Variants in TEC observed in about 807,000 individuals in gnomAD.
TEC encodes tyrosine-protein kinase Tec.
A neutral mutation model predicts 93.0 loss-of-function variants in TEC; 72 were observed. The observed-to-expected ratio is 0.77, with a 90% CI of 0.64 to 0.94. The LOEUF (loss-of-function observed/expected upper bound fraction) is 0.94, where lower values mean the gene tolerates loss of function less well. TEC is among the 40% of genes least tolerant of loss of function. TEC has a pLI of 0.00. For missense variants in TEC, 630 were observed against 757.9 expected (o/e 0.83, Z 1.98); for synonymous variants, 249 against 247.7 (o/e 1.01, Z -0.05).
At chr4:48,198,581 G>T (rs1252820551) in intron 2 of TEC, among the ~76,000 whole-genome samples, 1 of 152,118 alleles carries the variant, frequency 6.6e-6, no homozygotes, top group Non-Finnish European at 1.5e-5. Context: ...TAATATATAA[G>T]CTTTCAACCC....
At chr4:48,238,374 G>A (rs1459843256) in intron 1 of TEC, among the ~76,000 whole-genome samples, 8 of 152,108 alleles carry the variant, frequency 5.3e-5, no homozygotes, top group African/African-American at 2.4e-5. Flanking sequence ...CCTGTTGAAG[G>A]TAGACACCTT....
At chr4:48,165,964 C>T (rs1187169043) in intron 7 of TEC, among the ~76,000 whole-genome samples, 2 of 152,196 alleles carry the variant, frequency 1.3e-5, no homozygotes, top group Non-Finnish European at 2.9e-5. Context: ...AGTGCGTGTT[C>T]CCTCTGACCT....
At chr4:48,226,561 A>G (rs1723471840) in intron 2 of TEC, among the ~76,000 whole-genome samples, 1 of 151,978 alleles carries the variant, frequency 6.6e-6, no homozygotes, top group South Asian at 2.1e-4. Flanking sequence ...CTTTTTTATG[A>G]TTGTCTTAAT....
At chr4:48,180,548 T>C (rs916269889) in intron 2 of TEC, among the ~76,000 whole-genome samples, 1 of 151,972 alleles carries the variant, frequency 6.6e-6, no homozygotes, top group African/African-American at 2.4e-5. Context: ...AGGAAGGAAG[T>C]GATATTTTGA....
intron 2 of TEC, among the ~76,000 whole-genome samples, chr4:48,207,767 G>A (rs929144154): frequency 6.6e-6 from 1 of 152,068 alleles, no homozygotes; most frequent in African/African-American, 2.4e-5. Flanking sequence ...CAGCCTGGGC[G>A]ACAGAGTGAG....
chr4:48,222,195 C>T (rs1311311970), intron 2 of TEC, among the ~76,000 whole-genome samples: 2 of 151,944 alleles, frequency 1.3e-5, no homozygotes, highest in Non-Finnish European at 1.5e-5. Context: ...TGTGTCACTC[C>T]AAATAGATTG....
rs1248050957 is a variant in TEC at position 48,149,572 on chromosome 4, TATG to T, written c.988_990del (p.His330del). The T allele has an allele frequency of 6.2e-7, 1 of 1,610,106 alleles. No individual in the cohort carries two copies. Among genetic ancestry groups the T allele is most frequent in the Non-Finnish European group, 8.5e-7 (1 of 1,178,806 alleles). On this transcript the variant is annotated inframe_deletion, in exon 11 of 18. Transcript: ENST00000381501. ...GCTCACTTACCTGCTGCATTGTGCT[TATG>T]ATATTCAATAATCTCAGGAATGGAG...
intron 2 of TEC, among the ~76,000 whole-genome samples, chr4:48,210,153 T>G (rs1203791339): frequency 6.6e-6 from 1 of 152,220 alleles, no homozygotes; most frequent in African/African-American, 2.4e-5. Context: ...CTTACTTTTC[T>G]TTAACTCCAT....
chr4:48,160,782 G>A, intron 8 of TEC, among the ~76,000 whole-genome samples: 1 of 141,194 alleles, frequency 7.1e-6, no homozygotes, highest in African/African-American at 2.6e-5. Context: ...AAGAAAGAAA[G>A]AAAAGAAAAG....
At chr4:48,182,876 A>C (rs1721647739) in intron 2 of TEC, among the ~76,000 whole-genome samples, 1 of 152,188 alleles carries the variant, frequency 6.6e-6, no homozygotes, top group South Asian at 2.1e-4. Flanking sequence ...GGCTGGTCTC[A>C]GGTGATCTGA....
At chr4:48,239,294 C>T (rs1723866599) in intron 1 of TEC, among the ~76,000 whole-genome samples, 1 of 152,058 alleles carries the variant, frequency 6.6e-6, no homozygotes, top group Non-Finnish European at 1.5e-5. Flanking sequence ...ATGAGGTAAA[C>T]ATATTTTCAC....
At chr4:48,156,252 G>A (rs10021919) in intron 9 of TEC, among the ~76,000 whole-genome samples, 60,795 of 151,916 alleles carry the variant, frequency 0.4, 12,542 homozygotes, top group Admixed American at 0.48. Flanking sequence ...ACCAGTGCTC[G>A]ATCCCCACTT....
At chr4:48,239,495 A>C (rs1723870627) in intron 1 of TEC, among the ~76,000 whole-genome samples, 1 of 152,112 alleles carries the variant, frequency 6.6e-6, no homozygotes, top group South Asian at 2.1e-4. Flanking sequence ...AAGTGAAAAT[A>C]AGATAAAACA....
intron 2 of TEC, among the ~76,000 whole-genome samples, chr4:48,206,325 A>G (rs1189227696): frequency 1.3e-5 from 2 of 152,298 alleles, no homozygotes; most frequent in East Asian, 3.9e-4. Context: ...ACAAGAGTAA[A>G]TTTTATGTTA....
chr4:48,168,950 C>G (rs903882139), intron 5 of TEC, among the ~76,000 whole-genome samples: 2 of 152,212 alleles, frequency 1.3e-5, no homozygotes, highest in African/African-American at 4.8e-5. Context: ...CATGACAACA[C>G]TGAGAAATTA....
chr4:48,167,762 T>C lies in TEC; in HGVS notation c.671+16A>G, dbSNP rs767439283. The C allele has an allele frequency of 2.3e-5, 37 of 1,612,466 alleles. No homozygotes were observed. The highest frequency in any genetic ancestry group is 3.1e-5 in the Non-Finnish European group (36 of 1,178,884). On this transcript the variant is annotated intron_variant, in intron 7 of 17. Coordinates refer to ENST00000381501, the MANE Select transcript of TEC (RefSeq NM_003215.3). ...ACCTACCCACTGCATATCACACACA[T>C]AGAGGGAATACTTACCCATATTTAT...
chr4:48,142,823 G>T (rs571069466), intron 14 of TEC, among the ~76,000 whole-genome samples: 21 of 152,048 alleles, frequency 1.4e-4, no homozygotes, highest in African/African-American at 5.1e-4. Flanking sequence ...TGGGACTACA[G>T]GCGTCTGCCA....
At chr4:48,173,842 A>G (rs1721214230) in intron 3 of TEC, among the ~76,000 whole-genome samples, 1 of 152,212 alleles carries the variant, frequency 6.6e-6, no homozygotes, top group Non-Finnish European at 1.5e-5. Context: ...TGACTCATCT[A>G]GAAAAGCATG....
chr4:48,255,292 A>G (rs147546598), intron 1 of TEC, among the ~76,000 whole-genome samples: 268 of 152,256 alleles, frequency 1.8e-3, no homozygotes, highest in Middle Eastern at 3.4e-3. Context: ...ACATCGCTCC[A>G]GGTTAAATCC....
Sources: gnomAD v4.1 joint callset for allele counts (sites outside exome capture counted in the v4.1 genomes callset) on GRCh38, gnomAD v4.1.1 for gene constraint, MANE v1.5 for transcripts, NCBI Gene and HGNC (gene_info 2026-07-23, HGNC 2026-07-21) for gene names.